The following MARCO variants were observed in gnomAD, a reference collection of about 807,000 sequenced individuals.
MARCO encodes macrophage receptor MARCO.
In MARCO, 72 loss-of-function variants were observed where a neutral mutation model predicts 70.0. The ratio of observed to expected loss-of-function variants is 1.03; its 90% confidence interval spans 0.85 to 1.25. The LOEUF (loss-of-function observed/expected upper bound fraction) is 1.25, where lower values mean the gene tolerates loss of function less well. Ranked by LOEUF, MARCO falls within the 50% of genes most tolerant of loss-of-function variation. MARCO has a pLI of 0.00. For synonymous variants in MARCO, 273 were observed against 243.1 expected (o/e 1.12, Z -1.14); for missense variants, 696 against 659.3 (o/e 1.06, Z -0.61).
chr2:118,990,100 T>G (rs1680592481), intron 12 of MARCO, among the ~76,000 whole-genome samples: 1 of 152,340 alleles, frequency 6.6e-6, no homozygotes, highest in South Asian at 2.1e-4. Context: ...ACATGAATCT[T>G]TAGCCACTGG....
chr2:118,965,661 G>T (rs763420024), intron 1 of MARCO, among the ~76,000 whole-genome samples: 2 of 152,128 alleles, frequency 1.3e-5, no homozygotes, highest in Non-Finnish European at 2.9e-5. Flanking sequence ...GAGATTCTGA[G>T]TCCTATTTAA....
At chr2:118,947,123 T>C (rs1406319962) in intron 1 of MARCO, among the ~76,000 whole-genome samples, 1 of 152,228 alleles carries the variant, frequency 6.6e-6, no homozygotes, top group Non-Finnish European at 1.5e-5. Flanking sequence ...TGCATTGTTA[T>C]GTTCATATCA....
chr2:118,990,599 AC>A lies in MARCO; in HGVS notation c.1075del (p.Gln359SerfsTer16), dbSNP rs1163278852. The A allele has an allele frequency of 8.3e-7, 1 of 1,202,390 alleles. No homozygotes were observed. The highest frequency in any genetic ancestry group is 1.5e-5 in the African/African-American group (1 of 64,928). The allele number at this position is 1,202,390 out of a possible 1,614,324, so 74.5% of individuals were successfully genotyped here. On this transcript the variant is annotated frameshift_variant, in exon 13 of 17. Transcript: ENST00000327097. LOFTEE classifies it high-confidence loss of function. Reference protein sequence around the residue: ...GSKGDTGLQGQQGRKGESGVP... With the variant: ...GSKGDTGLQGXQGRKGESGVP... ...TTGTTTTGATCTTAGGACTTCAAGG[AC>A]AGCAAGGAAGAAAAGGAGAATCAGG...
chr2:118,945,179 A>G (rs1318762144), intron 1 of MARCO, among the ~76,000 whole-genome samples: 1 of 152,096 alleles, frequency 6.6e-6, no homozygotes, highest in Non-Finnish European at 1.5e-5. Context: ...CATCCACCTC[A>G]ACAATGGAAC....
At chr2:118,961,958 C>T (rs1174399363) in intron 1 of MARCO, among the ~76,000 whole-genome samples, 3 of 152,142 alleles carry the variant, frequency 2.0e-5, no homozygotes, top group Non-Finnish European at 4.4e-5. Flanking sequence ...TTTCCCAGAA[C>T]CATTTATTGA....
intron 12 of MARCO, 48 bp downstream of exon 12, chr2:118,982,458 G>C: frequency 6.4e-7 from 1 of 1,552,468 alleles, no homozygotes; most frequent in Non-Finnish European, 8.9e-7. Flanking sequence ...TGGGTGGCAG[G>C]ATGGATGGAG....
Position 118,982,183 on chromosome 2 carries a change from G to T in MARCO, c.929G>T (p.Gly310Val), listed in dbSNP as rs778505906. Residue 310 changes from glycine (G) to valine (V), a missense_variant, in exon 11 of 17, where the codon GGC becomes GTC. Transcript: ENST00000327097. Reference sequence around the variant, plus strand: ...CAACCTGGACTGCAGGGTGTTCCGGGCCCTCCTGGTGCAGTGGGACACCCA... The same window carrying T: ...CAACCTGGACTGCAGGGTGTTCCGGTCCCTCCTGGTGCAGTGGGACACCCA... ...QGQPGLQGVP[G>V]PPGAVGHPGA... is the part of the protein sequence containing the mutation. 6.2e-7 allele frequency: 1 copy of T among 1,612,896 alleles called. No individual in the cohort carries two copies. Among genetic ancestry groups the T allele is most frequent in the Non-Finnish European group, 8.5e-7 (1 of 1,179,190 alleles).
chr2:118,961,710 CTCT>C (rs1679950626), intron 1 of MARCO, among the ~76,000 whole-genome samples: 1 of 152,124 alleles, frequency 6.6e-6, no homozygotes, highest in South Asian at 2.1e-4. Flanking sequence ...TGTGCAAAAG[CTCT>C]TTAGTTTAAT....
intron 1 of MARCO, among the ~76,000 whole-genome samples, chr2:118,947,525 G>T (rs1445573011): frequency 1.3e-5 from 2 of 152,082 alleles, no homozygotes; most frequent in Admixed American, 6.6e-5. Flanking sequence ...TGTAGGCCAA[G>T]GTTTTCATAT....
intron 1 of MARCO, among the ~76,000 whole-genome samples, chr2:118,968,491 T>G (rs750382561): frequency 1.0e-3 from 158 of 152,216 alleles, no homozygotes; most frequent in Non-Finnish European, 1.6e-3. Flanking sequence ...ACTATATGGG[T>G]TTGTAGGATT....
At chr2:118,974,284 G>T in intron 4 of MARCO, 49 bp from the exon 5 acceptor site, 3 of 1,099,720 alleles carry the variant, frequency 2.7e-6, no homozygotes, top group Non-Finnish European at 4.1e-6. Context: ...TGGCGTTGTT[G>T]CCCCATCCTG....
At chr2:118,986,672 G>GGAAGGAAGGAAGGAAAGAAA (rs1680505947) in intron 12 of MARCO, among the ~76,000 whole-genome samples, 3 of 48,694 alleles carry the variant, frequency 6.2e-5, no homozygotes, top group Admixed American at 2.2e-4. Flanking sequence ...AAGGAAGGAA[G>GGAAGGAAGGAAGGAAAGAAA]GAAAGAAAGA....
At chr2:118,994,331 T>C (rs1314957395) in intron 16 of MARCO, 56 bp from the exon 17 acceptor site, 98 of 1,609,154 alleles carry the variant, frequency 6.1e-5, no homozygotes, top group Non-Finnish European at 4.3e-6. Context: ...GTGGCTTCTT[T>C]GCTTTGACTC....
intron 6 of MARCO, among the ~76,000 whole-genome samples, chr2:118,976,095 A>G (rs1238156580): frequency 6.6e-6 from 1 of 152,158 alleles, no homozygotes; most frequent in Non-Finnish European, 1.5e-5. Flanking sequence ...AAGCCTGAGG[A>G]GCACAGTCAT....
At chr2:118,974,714 T>C (rs1417116667) in intron 6 of MARCO, 149 bp downstream of exon 6, 8 of 810,588 alleles carry the variant, frequency 9.9e-6, no homozygotes, top group African/African-American at 5.2e-5. Context: ...CCAGAGGGGA[T>C]GAGAGGCTGG....
chr2:118,993,352 T>C (rs1457534914), intron 16 of MARCO, 52 bp downstream of exon 16: 3 of 1,572,154 alleles, frequency 1.9e-6, no homozygotes, highest in Non-Finnish European at 2.6e-6. Flanking sequence ...GGATGTGGCT[T>C]TCTCTCGCTG....
chr2:118,977,571 C>A (rs896700282), intron 7 of MARCO, 56 bp downstream of exon 7: 43 of 1,508,666 alleles, frequency 2.9e-5, no homozygotes, highest in Non-Finnish European at 3.8e-5. Context: ...GGCACTGAGG[C>A]AGTTCCCCCC....
rs145973300 is a variant in MARCO at position 118,984,813 on chromosome 2, C to T, written c.1063+2403C>T. ...TGTATACTTGTCAATGTCAGGATGT[C>T]GGTATTCCCCAAACTAAAGCCACTG... On this transcript the variant is annotated intron_variant, in intron 12 of 16. Coordinates refer to ENST00000327097, the MANE Select transcript of MARCO (RefSeq NM_006770.4). Among the ~76,000 whole-genome samples, 90 of 152,274 alleles carry T rather than the reference C, an allele frequency of 5.9e-4. 4 individuals are homozygous for T. In the East Asian group the frequency reaches 0.017, roughly 28 times the overall value.
At position 118,977,921 on chromosome 2, in the gene MARCO, AC is replaced by A; in HGVS notation, c.754del (p.Leu252TrpfsTer12). ...GETGTKGEKG[D>X]LGLPGSKGDR... Reference sequence around the variant, plus strand: ...ACTGGAACTAAGGGAGAGAAAGGAGACCTGGGTCTCCCAGGTGAGGGCCGTA... The same window carrying A: ...ACTGGAACTAAGGGAGAGAAAGGAGACTGGGTCTCCCAGGTGAGGGCCGTA... On this transcript the variant is annotated frameshift_variant, in exon 8 of 17. Coordinates refer to ENST00000327097, the MANE Select transcript of MARCO (RefSeq NM_006770.4). LOFTEE classifies it high-confidence loss of function. The A allele has an allele frequency of 6.2e-7, 1 of 1,606,244 alleles. No homozygotes were observed. Among genetic ancestry groups the A allele is most frequent in the Non-Finnish European group, 8.5e-7 (1 of 1,176,052 alleles).
Sources: allele counts gnomAD v4.1 joint callset (sites outside exome capture counted in the v4.1 genomes callset), GRCh38; gene constraint gnomAD v4.1.1; transcripts MANE v1.5; gene names NCBI Gene and HGNC (gene_info 2026-07-23, HGNC 2026-07-21).